The following DNAH9 variants were observed in gnomAD, a reference collection of about 807,000 sequenced individuals.
DNAH9 encodes the protein dynein axonemal heavy chain 9, also known as DNAH9 variant protein.
In DNAH9, 345 loss-of-function variants were observed where a neutral mutation model predicts 471.6. That is an observed-to-expected ratio of 0.73 (90% CI 0.67 to 0.80). The LOEUF (loss-of-function observed/expected upper bound fraction) is 0.80. DNAH9 is among the 30% of genes least tolerant of loss of function. The pLI, the probability that DNAH9 is intolerant of heterozygous loss-of-function variation, is 0.00. For synonymous variants in DNAH9, 2,093 were observed against 2,123.6 expected (o/e 0.99, Z 0.40); for missense variants, 5,407 against 5,609.2 (o/e 0.96, Z 1.15).
chr17:11,739,267 C>T (rs931768823), intron 29 of DNAH9, among the ~76,000 whole-genome samples: 7 of 152,166 alleles, frequency 4.6e-5, no homozygotes, highest in Admixed American at 3.3e-4. Flanking sequence ...CCTGCATTTG[C>T]GGTCTACATA....
intron 60 of DNAH9, among the ~76,000 whole-genome samples, chr17:11,904,100 T>C (rs185188399): frequency 6.6e-6 from 1 of 152,170 alleles, no homozygotes; most frequent in Non-Finnish European, 1.5e-5. Flanking sequence ...TTCCAAGTAA[T>C]GACAACGATG....
chr17:11,704,137 G>A, intron 24 of DNAH9, 66 bp from the exon 25 acceptor site: 1 of 1,589,260 alleles, frequency 6.3e-7, no homozygotes, highest in Non-Finnish European at 8.6e-7. Flanking sequence ...CCCTTGCTGT[G>A]TGATGAGTGG....
rs142350454 is a variant in DNAH9 at position 11,663,873 on chromosome 17, C to T, written c.2596-960C>T. 7.2e-3 allele frequency among the ~76,000 whole-genome samples: 1,100 copies of T among 152,184 alleles called. 17 individuals carry two copies. Among genetic ancestry groups the T allele is most frequent in the Non-Finnish European group, 6.9e-3 (471 of 68,014 alleles). ...TTGCATGGTGATGGACTTTAAGTCACAAAGAACATCTTAAGTCTACTTAAG... is the reference window on the plus strand; with the variant it reads ...TTGCATGGTGATGGACTTTAAGTCATAAAGAACATCTTAAGTCTACTTAAG... On this transcript the variant is annotated intron_variant, in intron 14 of 68. Transcript: ENST00000262442.
chr17:11,858,126 C>T, intron 50 of DNAH9, among the ~76,000 whole-genome samples: 1 of 152,118 alleles, frequency 6.6e-6, no homozygotes, highest in East Asian at 1.9e-4. Flanking sequence ...TCTACATTTT[C>T]TTTTGTTCTG....
Position 11,715,876 on chromosome 17 carries a change from A to G in DNAH9, c.5553-3458A>G, listed in dbSNP as rs539150389. Among the ~76,000 whole-genome samples the G allele has an allele frequency of 3.9e-5, 6 of 152,100 alleles. No individual in the cohort carries two copies. In the South Asian group the frequency reaches 1.3e-3, roughly 32 times the overall value. On this transcript the variant is annotated intron_variant, in intron 26 of 68. Transcript: ENST00000262442. ...GAGTCAGTGCCTGAAACAGCTCTAC[A>G]TGGTCTGCTGGCCCACACTCGCAAG...
At chr17:11,883,509 C>A in intron 55 of DNAH9, 77 bp from the exon 56 acceptor site, 2 of 1,527,214 alleles carry the variant, frequency 1.3e-6, no homozygotes, top group Non-Finnish European at 8.9e-7. Context: ...AAGGGACTCT[C>A]GCCCTATTCA....
intron 39 of DNAH9, 77 bp downstream of exon 39, chr17:11,781,251 C>T (rs1968655590): frequency 1.3e-6 from 2 of 1,482,384 alleles, no homozygotes; most frequent in African/African-American, 1.4e-5. Context: ...CTCTATTCTG[C>T]CTGAACGGCA....
chr17:11,669,182 G>A lies in DNAH9; in HGVS notation c.2850G>A (p.Glu950=). ...GVKGGFCDIV[E]GLITSIFRIP... The stretch of plus-strand genomic sequence containing the variant: ...AGGGGGGTTTCTGTGACATTGTTGA[G>A]GGTCTCATCACCAGCATTTTTAGGA... Residue 950 remains glutamate, a synonymous_variant, in exon 16 of 69, where the codon GAG becomes GAA. Coordinates refer to ENST00000262442, the MANE Select transcript of DNAH9 (RefSeq NM_001372.4). 1.2e-6 allele frequency: 2 copies of A among 1,613,938 alleles called. No homozygotes were observed. Among genetic ancestry groups the A allele is most frequent in the East Asian group, 4.5e-5 (2 of 44,864 alleles).
At chr17:11,923,610 T>G (rs1225461638) in intron 61 of DNAH9, among the ~76,000 whole-genome samples, 1 of 152,076 alleles carries the variant, frequency 6.6e-6, no homozygotes, top group Non-Finnish European at 1.5e-5. Flanking sequence ...TGCGCCCGGC[T>G]CAAGTGCTTC....
At chr17:11,834,988 T>G in intron 49 of DNAH9, 90 bp downstream of exon 49, 3 of 1,502,460 alleles carry the variant, frequency 2.0e-6, no homozygotes, top group East Asian at 2.4e-5. Context: ...GCAAGGACAA[T>G]GTTGGGAGAG....
At chr17:11,804,124 A>G (rs952708990) in intron 43 of DNAH9, among the ~76,000 whole-genome samples, 15 of 152,236 alleles carry the variant, frequency 9.9e-5, no homozygotes, top group African/African-American at 3.6e-4. Context: ...CTCTTCAGAC[A>G]TCTAGAAATT....
At chr17:11,839,526 A>G (rs1970960244) in intron 49 of DNAH9, among the ~76,000 whole-genome samples, 1 of 152,006 alleles carries the variant, frequency 6.6e-6, no homozygotes, top group Non-Finnish European at 1.5e-5. Flanking sequence ...AAAAAAAAAA[A>G]AAAGAAAATA....
rs575664654 is a variant in DNAH9, at chr17:11,854,710, C to A, written c.9933+282C>A. On this transcript the variant is annotated intron_variant, in intron 50 of 68. Coordinates refer to ENST00000262442, the MANE Select transcript of DNAH9 (RefSeq NM_001372.4). ...AAAGGTTAAAATTTTGAGACTTTTTCTCTTTCTCCTTGGAAATGTGGATTT... is the reference window on the plus strand; with the variant it reads ...AAAGGTTAAAATTTTGAGACTTTTTATCTTTCTCCTTGGAAATGTGGATTT... Among the ~76,000 whole-genome samples, 4 of 152,248 alleles carry A rather than the reference C, an allele frequency of 2.6e-5. No individual in the cohort carries two copies. The South Asian group carries it at 6.2e-4, about 24-fold the overall frequency.
At chr17:11,742,663 G>A (rs942420373) in intron 30 of DNAH9, among the ~76,000 whole-genome samples, 2 of 152,184 alleles carry the variant, frequency 1.3e-5, no homozygotes, top group Non-Finnish European at 2.9e-5. Context: ...AGGGAAGCAG[G>A]TTAAGTGTTA....
At chr17:11,693,277 C>T (rs995362047) in intron 20 of DNAH9, among the ~76,000 whole-genome samples, 5 of 138,034 alleles carry the variant, frequency 3.6e-5, no homozygotes, top group African/African-American at 1.4e-4. Flanking sequence ...CAAAGTCTCC[C>T]TCTGTCGTCC....
At chr17:11,670,412 C>G (rs2073954828) in intron 17 of DNAH9, among the ~76,000 whole-genome samples, 1 of 152,136 alleles carries the variant, frequency 6.6e-6, no homozygotes, top group East Asian at 1.9e-4. Context: ...AGATACCCAC[C>G]ACAATTAGAA....
intron 61 of DNAH9, among the ~76,000 whole-genome samples, chr17:11,911,380 T>C (rs949127868): frequency 1.3e-5 from 2 of 152,244 alleles, no homozygotes; most frequent in Non-Finnish European, 2.9e-5. Context: ...TTATATCACA[T>C]TGATCTATGT....
rs998347248 is a variant in DNAH9, at chr17:11,942,618, G to A, written c.12843+133G>A. On this transcript the variant is annotated intron_variant, in intron 67 of 68. Transcript: ENST00000262442. Reference sequence around the variant, plus strand: ...CCTGCAGCATCCTAGGTGCCCAAAAGTCATCACTCCCCAGAAACCACAGCC... The same window carrying A: ...CCTGCAGCATCCTAGGTGCCCAAAAATCATCACTCCCCAGAAACCACAGCC... 4 of 879,828 alleles carry A rather than the reference G, an allele frequency of 4.5e-6. No homozygotes were observed. In the African/African-American group the frequency reaches 6.8e-5, roughly 15 times the overall value. The allele number at this position is 879,828 out of a possible 1,614,324, so 54.5% of individuals were successfully genotyped here.
At chr17:11,788,202 A>C (rs1968937902) in intron 41 of DNAH9, among the ~76,000 whole-genome samples, 1 of 151,920 alleles carries the variant, frequency 6.6e-6, no homozygotes, top group Non-Finnish European at 1.5e-5. Flanking sequence ...AAAGGTCTGG[A>C]CTCCTGGTTG....
Sources: allele counts gnomAD v4.1 joint callset (sites outside exome capture counted in the v4.1 genomes callset), GRCh38; gene constraint gnomAD v4.1.1; transcripts MANE v1.5; gene names NCBI Gene and HGNC (gene_info 2026-07-23, HGNC 2026-07-21).